KDM5A: variants seen among roughly 807,000 people sequenced by gnomAD.
KDM5A encodes lysine demethylase 5A, also known as lysine-specific demethylase 5A.
In KDM5A, 42 loss-of-function variants were observed where a neutral mutation model predicts 193.5. The ratio of observed to expected loss-of-function variants is 0.22; its 90% CI spans 0.17 to 0.28. KDM5A has a LOEUF of 0.28. Ranked by LOEUF, KDM5A falls within the 10% of genes least tolerant of loss-of-function variation. The pLI is 1.00. For missense variants in KDM5A, 1,692 were observed against 2,055.1 expected (o/e 0.82, Z 3.42); for synonymous variants, 796 against 718.1 (o/e 1.11, Z -1.73).
chr12:296,818 A>C (rs1943379733), intron 25 of KDM5A, among the ~76,000 whole-genome samples: 1 of 152,200 alleles, frequency 6.6e-6, no homozygotes, highest in Non-Finnish European at 1.5e-5. Context: ...AAGTTCTTCT[A>C]ATTAGGACTC....
At chr12:324,933 A>G (rs1943764117) in intron 14 of KDM5A, among the ~76,000 whole-genome samples, 1 of 152,120 alleles carries the variant, frequency 6.6e-6, no homozygotes, top group Non-Finnish European at 1.5e-5. Context: ...AAACACCTCC[A>G]TTTATTATAT....
rs2137352514 is a variant in KDM5A, at chr12:284,106, T to C, written c.*1350A>G. The C allele has an allele frequency of 4.3e-6, 1 of 232,320 alleles. No individual in the cohort carries two copies. The highest frequency in any genetic ancestry group is 8.5e-6 in the Non-Finnish European group (1 of 117,448). The allele number at this position is 232,320 out of a possible 1,614,324, so 14.4% of individuals were successfully genotyped here. ...GGATGGAGGAGGGAGTGCTAACTCC[T>C]TGTACTACAAAGAAGGAATGGGATT... On this transcript the variant is annotated 3_prime_UTR_variant, in exon 28 of 28. Transcript: ENST00000399788.
chr12:334,163 A>G (rs986796026), intron 11 of KDM5A, 78 bp downstream of exon 11: 1 of 1,317,190 alleles, frequency 7.6e-7, no homozygotes, highest in Non-Finnish European at 1.1e-6. Flanking sequence ...TATAAACCTT[A>G]AAGATCAAAA....
In KDM5A at chr12:333,493, A is replaced by G. The variant is rs977759169; in HGVS notation, c.1647T>C (p.Gly549=). 5.6e-6 allele frequency: 9 copies of G among 1,614,056 alleles called. No homozygotes were observed. The highest frequency in any genetic ancestry group is 6.8e-6 in the Non-Finnish European group (8 of 1,180,016). ...IMNPNVLMEH[G]VPVYRTNQCA... ...AAGACACCAAAAGACTCACAGGCAC[A>G]CCATGCTCCATTAGCACGTTGGGGT... The change falls in exon 12 of 28, where the codon GGT becomes GGC. Residue 549 remains glycine (G), a synonymous_variant. Transcript: ENST00000399788.
Position 292,777 on chromosome 12 carries a change from T to C in KDM5A, c.4848A>G (p.Gln1616=). 1 of 1,614,248 alleles carries C rather than the reference T, an allele frequency of 6.2e-7. No homozygotes were observed. The highest frequency in any genetic ancestry group is 1.3e-5 in the African/African-American group (1 of 75,074). ...AACTCACCTTGTCCTTGCAGGGCCTTTGGCAGTTCTGTGCTGCGCACACAG... is the reference window on the plus strand; with the variant it reads ...AACTCACCTTGTCCTTGCAGGGCCTCTGGCAGTTCTGTGCTGCGCACACAG... ...ENAVCAAQNC[Q]RPCKDKVDWV... The change falls in exon 27 of 28, where the codon CAA becomes CAG. Residue 1616 remains glutamine, a synonymous_variant. Coordinates refer to ENST00000399788, the MANE Select transcript of KDM5A (RefSeq NM_001042603.3).
chr12:370,785 G>A (rs978841458), intron 3 of KDM5A, among the ~76,000 whole-genome samples: 1 of 152,096 alleles, frequency 6.6e-6, no homozygotes. Context: ...CCTACGACAG[G>A]CCCCGGTGTG....
Position 284,793 on chromosome 12 carries a change from T to A in KDM5A, c.*663A>T, listed in dbSNP as rs192907672. 1 of 233,626 alleles carries A rather than the reference T, an allele frequency of 4.3e-6. No individual in the cohort carries two copies. Among genetic ancestry groups the A allele is most frequent in the African/African-American group, 2.2e-5 (1 of 45,466 alleles). The allele number at this position is 233,626 out of a possible 1,614,324, so 14.5% of individuals were successfully genotyped here. A position where few individuals can be genotyped will look rare whatever the true frequency, so the allele number is the denominator to read the frequency against. On this transcript the variant is annotated 3_prime_UTR_variant, in exon 28 of 28. Coordinates refer to ENST00000399788, the MANE Select transcript of KDM5A (RefSeq NM_001042603.3). ...AATCTAGTCAGATTTCTGATCTAGA[T>A]GATATCCTCATCTTACAAAGATAAG...
chr12:365,136 TC>T (rs1464184853), intron 4 of KDM5A, among the ~76,000 whole-genome samples: 15 of 152,036 alleles, frequency 9.9e-5, no homozygotes, highest in African/African-American at 3.6e-4. Context: ...TACTGCAACC[TC>T]CATCTCCCAG....
At chr12:380,141 G>A (rs1158847751) in intron 3 of KDM5A, among the ~76,000 whole-genome samples, 3 of 151,924 alleles carry the variant, frequency 2.0e-5, no homozygotes, top group East Asian at 1.9e-4. Context: ...GGTGGTGTGC[G>A]CCTGTAGTCC....
chr12:381,072 A>G (rs1944567421), intron 3 of KDM5A, among the ~76,000 whole-genome samples: 1 of 151,740 alleles, frequency 6.6e-6, no homozygotes, highest in African/African-American at 2.4e-5. Context: ...TCAGCTCACC[A>G]CAACCTCCAC....
intron 13 of KDM5A, among the ~76,000 whole-genome samples, chr12:330,279 G>GATT (rs1943850237): frequency 2.6e-5 from 4 of 152,056 alleles, no homozygotes; most frequent in Admixed American, 2.6e-4. Flanking sequence ...AAATAGAAGT[G>GATT]ATTATCCATT....
chr12:364,766 C>T (rs1179645547), intron 4 of KDM5A, among the ~76,000 whole-genome samples: 1 of 122,674 alleles, frequency 8.2e-6, no homozygotes, highest in Non-Finnish European at 1.6e-5. Flanking sequence ...GCCTGGGCGA[C>T]GGAGTCTCAT....
intron 10 of KDM5A, among the ~76,000 whole-genome samples, chr12:346,611 C>T (rs1944079884): frequency 6.6e-6 from 1 of 152,184 alleles, no homozygotes; most frequent in African/African-American, 2.4e-5. Context: ...GCTAGTTCAA[C>T]ATACTCAAAT....
intron 2 of KDM5A, among the ~76,000 whole-genome samples, chr12:385,392 A>C (rs901389708): frequency 6.6e-6 from 1 of 151,978 alleles, no homozygotes; most frequent in African/African-American, 2.4e-5. Context: ...AATTTAAGAT[A>C]AATTAGTAAT....
intron 10 of KDM5A, among the ~76,000 whole-genome samples, chr12:339,492 A>C (rs1218794426): frequency 6.6e-6 from 1 of 152,204 alleles, no homozygotes. Flanking sequence ...TCTGCAACCC[A>C]GTCAACAAAA....
rs181048887 is a variant in KDM5A, at chr12:282,212, C to G, written c.*3244G>C. 2 of 242,606 alleles carry G rather than the reference C, an allele frequency of 8.2e-6. No homozygotes were observed. The highest frequency in any genetic ancestry group is 1.6e-5 in the Non-Finnish European group (2 of 123,314). 15.0% of individuals were successfully genotyped at this position (242,606 alleles called of 1,614,324 possible). A position where few individuals can be genotyped will look rare whatever the true frequency, so the allele number is the denominator to read the frequency against. On this transcript the variant is annotated 3_prime_UTR_variant, in exon 28 of 28. Transcript: ENST00000399788. ...CAGACACATGGGGTCTCGCTGTTGA[C>G]CAGGCGGGACTCAAACTCACAGGTT...
At chr12:312,746 G>A (rs1006347791) in intron 20 of KDM5A, among the ~76,000 whole-genome samples, 1 of 152,122 alleles carries the variant, frequency 6.6e-6, no homozygotes, top group Admixed American at 6.6e-5. Context: ...CTACCTTAAA[G>A]GTGCTCAGAA....
chr12:352,381 A>G (rs1591927235), intron 8 of KDM5A, 57 bp from the exon 9 acceptor site: 2 of 1,505,238 alleles, frequency 1.3e-6, no homozygotes, highest in East Asian at 4.5e-5. Context: ...AGAAAGCTTT[A>G]AGGCTCTTAG....
intron 4 of KDM5A, among the ~76,000 whole-genome samples, chr12:363,613 T>A (rs1216704340): frequency 6.6e-6 from 1 of 152,030 alleles, no homozygotes. Flanking sequence ...CCTCATACTA[T>A]ACACACAAAA....
Sources: gnomAD v4.1 joint callset for allele counts (sites outside exome capture counted in the v4.1 genomes callset) on GRCh38, gnomAD v4.1.1 for gene constraint, MANE v1.5 for transcripts, NCBI Gene and HGNC (gene_info 2026-07-23, HGNC 2026-07-21) for gene names.